PIBF1: variants seen among roughly 807,000 people sequenced by gnomAD.
PIBF1 encodes progesterone-induced-blocking factor 1.
In PIBF1, 90 loss-of-function variants were observed where a neutral mutation model predicts 112.5. The observed-to-expected ratio is 0.80, with a 90% CI of 0.67 to 0.95. The LOEUF (loss-of-function observed/expected upper bound fraction) is 0.95. Among genes scored for constraint, PIBF1 ranks in the 40% least tolerant of loss-of-function variants. The pLI, the probability that PIBF1 is intolerant of heterozygous loss-of-function variation, is 0.00. For synonymous variants in PIBF1, 301 were observed against 288.6 expected (o/e 1.04, Z -0.44); for missense variants, 915 against 852.3 (o/e 1.07, Z -0.92).
chr13:72,937,310 A>G lies in PIBF1; in HGVS notation c.1833+6043A>G, dbSNP rs147793815. Among the ~76,000 whole-genome samples the G allele has an allele frequency of 1.1e-3, 161 of 152,146 alleles. 1 individual carries two copies. Among genetic ancestry groups the G allele is most frequent in the Admixed American group, 1.8e-3 (27 of 15,266 alleles). On this transcript the variant is annotated intron_variant, in intron 14 of 17. Transcript: ENST00000326291. Reference sequence around the variant, plus strand: ...ATCTTATTGTTGCTTATTGGCTATAACTTTGTTATTTCAGTGGTTGATTTA... The same window carrying G: ...ATCTTATTGTTGCTTATTGGCTATAGCTTTGTTATTTCAGTGGTTGATTTA...
chr13:72,802,814 G>A (rs2138009749), intron 5 of PIBF1, among the ~76,000 whole-genome samples: 1 of 152,280 alleles, frequency 6.6e-6, no homozygotes, highest in South Asian at 2.1e-4. Context: ...GAGAGTGAGT[G>A]TAGGGAAGAG....
intron 11 of PIBF1, among the ~76,000 whole-genome samples, chr13:72,898,154 A>G (rs2138596576): frequency 6.6e-6 from 1 of 152,258 alleles, no homozygotes; most frequent in African/African-American, 2.4e-5. Context: ...TCAACTCCAA[A>G]AGGAACCTTC....
At chr13:72,832,697 T>C (rs2037179526) in intron 8 of PIBF1, among the ~76,000 whole-genome samples, 2 of 152,186 alleles carry the variant, frequency 1.3e-5, no homozygotes. Context: ...TGGCTGCCCT[T>C]AAGATTTTTT....
At chr13:72,936,277 C>A (rs577274855) in intron 14 of PIBF1, among the ~76,000 whole-genome samples, 2 of 152,234 alleles carry the variant, frequency 1.3e-5, no homozygotes, top group East Asian at 3.9e-4. Context: ...CTCAAGTGAT[C>A]TTCCCACCTT....
chr13:72,797,136 T>C (rs2043975), intron 4 of PIBF1, among the ~76,000 whole-genome samples: 117,917 of 152,022 alleles, frequency 0.78, 46,045 homozygotes, highest in South Asian at 0.85. Context: ...GAAGTAATGA[T>C]GTGAAAGATA....
intron 5 of PIBF1, among the ~76,000 whole-genome samples, chr13:72,813,258 G>C (rs574149175): frequency 6.6e-6 from 1 of 152,290 alleles, no homozygotes; most frequent in East Asian, 1.9e-4. Context: ...GAAGTAAAGG[G>C]ATTCTAGGAG....
At chr13:72,809,864 C>T (rs1162735145) in intron 5 of PIBF1, among the ~76,000 whole-genome samples, 1 of 152,124 alleles carries the variant, frequency 6.6e-6, no homozygotes, top group African/African-American at 2.4e-5. Context: ...GCTGGAATTA[C>T]AGGCATGAGC....
intron 6 of PIBF1, 35 bp downstream of exon 6, chr13:72,822,017 T>C: frequency 6.4e-7 from 1 of 1,561,802 alleles, no homozygotes; most frequent in South Asian, 1.2e-5. Context: ...AGTAGTTCTC[T>C]ATTTTTAGGG....
At chr13:72,843,390 G>A (rs1157994339) in intron 9 of PIBF1, among the ~76,000 whole-genome samples, 11 of 152,180 alleles carry the variant, frequency 7.2e-5, no homozygotes, top group African/African-American at 2.7e-4. Context: ...AGTGATTGGT[G>A]ATAAGGCATG....
intron 2 of PIBF1, among the ~76,000 whole-genome samples, chr13:72,790,526 G>GATAA (rs1433801186): frequency 8.7e-6 from 1 of 114,516 alleles, no homozygotes; most frequent in African/African-American, 2.9e-5. Context: ...TAGATAGATA[G>GATAA]ATAGATAGAT....
chr13:72,959,457 A>G (rs1277333120), intron 14 of PIBF1, among the ~76,000 whole-genome samples: 1 of 152,190 alleles, frequency 6.6e-6, no homozygotes, highest in Non-Finnish European at 1.5e-5. Context: ...ACAAACTACC[A>G]CCACTGCTAG....
intron 16 of PIBF1, among the ~76,000 whole-genome samples, chr13:72,993,371 T>C (rs2043541795): frequency 6.6e-6 from 1 of 151,788 alleles, no homozygotes; most frequent in South Asian, 2.1e-4. Context: ...TTTTGAAGAA[T>C]TGCGAAAGTC....
chr13:72,872,445 A>G (rs1014371307), intron 10 of PIBF1, among the ~76,000 whole-genome samples: 8 of 152,208 alleles, frequency 5.3e-5, no homozygotes, highest in African/African-American at 1.9e-4. Context: ...GAGTTGACAT[A>G]TAAGAATAAG....
intron 14 of PIBF1, among the ~76,000 whole-genome samples, chr13:72,960,900 AG>A (rs1430772143): frequency 6.6e-6 from 1 of 152,016 alleles, no homozygotes; most frequent in Non-Finnish European, 1.5e-5. Context: ...ACCAAAGCAA[AG>A]AAAAAAAACA....
chr13:72,886,568 G>T (rs2039866187), intron 10 of PIBF1, among the ~76,000 whole-genome samples: 1 of 151,708 alleles, frequency 6.6e-6, no homozygotes, highest in Non-Finnish European at 1.5e-5. Flanking sequence ...CATACCTGTA[G>T]TACCTATTTT....
chr13:72,878,058 G>A (rs985150032), intron 10 of PIBF1, among the ~76,000 whole-genome samples: 2 of 151,618 alleles, frequency 1.3e-5, no homozygotes, highest in African/African-American at 4.8e-5. Context: ...CTTCATTTCT[G>A]CTATTAGTAA....
intron 9 of PIBF1, among the ~76,000 whole-genome samples, chr13:72,836,746 T>G (rs983897934): frequency 6.6e-6 from 1 of 152,094 alleles, no homozygotes; most frequent in African/African-American, 2.4e-5. Context: ...TAGAACTTTT[T>G]TAGGATTTTT....
At chr13:72,853,783 G>A (rs975287450) in intron 9 of PIBF1, among the ~76,000 whole-genome samples, 2 of 152,118 alleles carry the variant, frequency 1.3e-5, no homozygotes, top group African/African-American at 4.8e-5. Flanking sequence ...ATTCTCGTAA[G>A]GAATACATAA....
intron 16 of PIBF1, among the ~76,000 whole-genome samples, chr13:72,996,283 A>C (rs1276849355): frequency 1.3e-5 from 2 of 150,308 alleles, no homozygotes; most frequent in African/African-American, 2.5e-5. Flanking sequence ...AAAAAAAAAA[A>C]CTGCTCAACT....
Sources: gnomAD v4.1 joint callset for allele counts (sites outside exome capture counted in the v4.1 genomes callset) on GRCh38, gnomAD v4.1.1 for gene constraint, MANE v1.5 for transcripts, NCBI Gene and HGNC (gene_info 2026-07-23, HGNC 2026-07-21) for gene names.